ANAPC10: variants seen among roughly 807,000 people sequenced by gnomAD.
ANAPC10 encodes the protein anaphase promoting complex subunit 10.
Under a neutral mutation model 22.0 loss-of-function variants are expected in ANAPC10, and 12 were observed. The observed-to-expected ratio is 0.55, with a 90% confidence interval of 0.35 to 0.88. The LOEUF is 0.88. Ranked by LOEUF, ANAPC10 falls within the 40% of genes least tolerant of loss-of-function variation. The probability of loss-of-function intolerance (pLI) is 0.01; values close to 1 mark genes in which losing one functional copy is unlikely to be tolerated. For synonymous variants in ANAPC10, 65 were observed against 69.5 expected, an observed-to-expected ratio of 0.94 and a Z score of 0.32; for missense variants, 188 against 220.9, an observed-to-expected ratio of 0.85 and a Z score of 0.94.
At chr4:145,004,307 C>T (rs139066351) in intron 4 of ANAPC10, among the ~76,000 whole-genome samples, 5 of 152,100 alleles carry the variant, frequency 3.3e-5, no homozygotes, top group East Asian at 3.9e-4. Flanking sequence ...GTTTGAGTTC[C>T]GATCTTCCTA....
At chr4:144,997,767 T>C (rs567705140) in intron 4 of ANAPC10, among the ~76,000 whole-genome samples, 15 of 152,274 alleles carry the variant, frequency 9.9e-5, no homozygotes, top group South Asian at 4.1e-4. Context: ...AATGCTCCAA[T>C]TGAAAGACAC....
chr4:145,025,626 T>G (rs183259094), intron 4 of ANAPC10, among the ~76,000 whole-genome samples: 82 of 152,270 alleles, frequency 5.4e-4, no homozygotes, highest in African/African-American at 1.9e-3. Flanking sequence ...CATCAAAGAT[T>G]ATTGATCACA....
intron 4 of ANAPC10, among the ~76,000 whole-genome samples, chr4:145,017,934 C>CA (rs1418234195): frequency 7.8e-6 from 1 of 128,100 alleles, no homozygotes; most frequent in Non-Finnish European, 1.5e-5. Flanking sequence ...TACTTGGACA[C>CA]AGGAAGGGAA....
At chr4:144,997,150 G>A (rs993736886) in intron 4 of ANAPC10, among the ~76,000 whole-genome samples, 4 of 152,150 alleles carry the variant, frequency 2.6e-5, no homozygotes, top group Admixed American at 2.6e-4. Flanking sequence ...TGGAACCAAG[G>A]TGGAAATCAC....
intron 4 of ANAPC10, among the ~76,000 whole-genome samples, chr4:145,001,498 T>A (rs932669084): frequency 1.9e-4 from 29 of 152,242 alleles, no homozygotes; most frequent in African/African-American, 6.7e-4. Context: ...GGTAGAGAGT[T>A]AAAGTTTTAC....
Position 144,995,216 on chromosome 4 carries a change from T to C in ANAPC10, c.*157A>G. On this transcript the variant is annotated 3_prime_UTR_variant, in exon 5 of 5. Coordinates refer to ENST00000507656, the MANE Select transcript of ANAPC10 (RefSeq NM_001256706.2). ...CATGTTAAAGAAAATAAAGATAATATGACCCCAAATTTATTTGTCAAAGTT... is the reference window on the plus strand; with the variant it reads ...CATGTTAAAGAAAATAAAGATAATACGACCCCAAATTTATTTGTCAAAGTT... 1 of 454,000 alleles carries C rather than the reference T, an allele frequency of 2.2e-6. No homozygotes were observed. Among genetic ancestry groups the C allele is most frequent in the Non-Finnish European group, 3.8e-6 (1 of 263,788 alleles). 28.1% of individuals were successfully genotyped at this position (454,000 alleles called of 1,614,324 possible). A position where few individuals can be genotyped will look rare whatever the true frequency, so the allele number is the denominator to read the frequency against.
chr4:145,093,438 T>A (rs1403329914), intron 2 of ANAPC10, among the ~76,000 whole-genome samples: 4 of 150,378 alleles, frequency 2.7e-5, no homozygotes, highest in African/African-American at 9.8e-5. Flanking sequence ...TATTTGGCAC[T>A]CAATAAAAAA....
rs573259178 is a variant in ANAPC10, at chr4:145,086,005, C to T, written c.116-4255G>A. 1.1e-3 allele frequency among the ~76,000 whole-genome samples: 168 copies of T among 151,992 alleles called. 1 individual carries two copies. The highest frequency in any genetic ancestry group is 2.1e-3 in the Non-Finnish European group (140 of 68,002). On this transcript the variant is annotated intron_variant, in intron 2 of 4. Coordinates refer to ENST00000507656, the MANE Select transcript of ANAPC10 (RefSeq NM_001256706.2). ...GACTGTTGCAGGTGGCTGAAGCTCA[C>T]CTTTGCAGGGGGCAGAGCTTCAAAA... is the stretch of plus-strand genomic sequence containing the variant.
chr4:145,013,526 T>C (rs1183789352), intron 4 of ANAPC10, among the ~76,000 whole-genome samples: 3 of 152,144 alleles, frequency 2.0e-5, no homozygotes, highest in African/African-American at 7.2e-5. Flanking sequence ...AATGCAATCA[T>C]TAATAAAAAA....
intron 2 of ANAPC10, among the ~76,000 whole-genome samples, chr4:145,091,326 G>A (rs1432277460): frequency 1.3e-5 from 2 of 152,062 alleles, no homozygotes; most frequent in African/African-American, 4.8e-5. Context: ...TACCAAGGAA[G>A]GTAAACTTTA....
At chr4:145,090,229 T>C (rs1272200328) in intron 2 of ANAPC10, among the ~76,000 whole-genome samples, 1 of 152,212 alleles carries the variant, frequency 6.6e-6, no homozygotes, top group Admixed American at 6.5e-5. Context: ...TCTAGATTAC[T>C]TATAATACCT....
intron 1 of ANAPC10, chr4:145,097,363 G>A (rs1424856047): frequency 1.6e-6 from 1 of 628,054 alleles, no homozygotes; most frequent in Non-Finnish European, 2.5e-6. Flanking sequence ...ATTTTACTAA[G>A]TCTATTCATA....
intron 4 of ANAPC10, among the ~76,000 whole-genome samples, chr4:145,025,523 G>T (rs970702363): frequency 6.6e-6 from 1 of 152,074 alleles, no homozygotes; most frequent in Non-Finnish European, 1.5e-5. Flanking sequence ...CTGGTTAGGT[G>T]CTGGAGTAGT....
intron 1 of ANAPC10, chr4:145,097,368 T>C (rs1170634534): frequency 5.8e-5 from 39 of 676,694 alleles, no homozygotes; most frequent in African/African-American, 9.3e-5. Context: ...ACTAAGTCTA[T>C]TCATATGTGA....
chr4:145,061,521 A>G (rs1170026321), intron 4 of ANAPC10, among the ~76,000 whole-genome samples: 1 of 152,216 alleles, frequency 6.6e-6, no homozygotes, highest in Non-Finnish European at 1.5e-5. Context: ...AAAATAAAGG[A>G]CAACAGTGAC....
chr4:145,086,317 C>T (rs1746889213), intron 2 of ANAPC10, among the ~76,000 whole-genome samples: 1 of 152,136 alleles, frequency 6.6e-6, no homozygotes, highest in African/African-American at 2.4e-5. Flanking sequence ...TCTATGATAA[C>T]TGCTTTAACA....
intron 4 of ANAPC10, among the ~76,000 whole-genome samples, chr4:145,055,564 TAA>T (rs200088692): frequency 7.4e-6 from 1 of 135,548 alleles, no homozygotes; most frequent in Non-Finnish European, 1.6e-5. Context: ...TCTCAATAAA[TAA>T]AAAAAAAATT....
intron 4 of ANAPC10, among the ~76,000 whole-genome samples, chr4:145,033,830 T>G (rs1376093696): frequency 6.6e-6 from 1 of 152,224 alleles, no homozygotes; most frequent in East Asian, 1.9e-4. Flanking sequence ...GGACTGTAAC[T>G]GTCATGAGTT....
At chr4:145,013,666 C>G (rs1400228939) in intron 4 of ANAPC10, among the ~76,000 whole-genome samples, 3 of 152,030 alleles carry the variant, frequency 2.0e-5, no homozygotes, top group Non-Finnish European at 2.9e-5. Flanking sequence ...AGAGTGATTG[C>G]AGGAATAAAT....
Sources: allele counts gnomAD v4.1 joint callset (sites outside exome capture counted in the v4.1 genomes callset), GRCh38; gene constraint gnomAD v4.1.1; transcripts MANE v1.5; gene names NCBI Gene and HGNC (gene_info 2026-07-23, HGNC 2026-07-21).